PLB1: variants seen among roughly 807,000 people sequenced by gnomAD.
The protein encoded by PLB1 is phospholipase B1, also known as phospholipase B1, membrane-associated.
PLB1 carries 242 observed loss-of-function variants against 227.4 expected under a neutral mutation model. The observed-to-expected ratio is 1.06, with a 90% CI of 0.96 to 1.18. PLB1 has a LOEUF of 1.18. Ranked by LOEUF, PLB1 falls within the 50% of genes most tolerant of loss-of-function variation. The pLI is 0.00. For missense variants in PLB1, 1,858 were observed against 1,816.3 expected (o/e 1.02, Z -0.42); for synonymous variants, 757 against 682.2 (o/e 1.11, Z -1.71).
intron 8 of PLB1, among the ~76,000 whole-genome samples, chr2:28,531,059 A>G (rs1369914057): frequency 6.6e-6 from 1 of 152,332 alleles, no homozygotes; most frequent in Non-Finnish European, 1.5e-5. Flanking sequence ...CCTCAACTAC[A>G]TCGTGCTGCC....
chr2:28,503,714 G>A (rs907605050), intron 1 of PLB1, among the ~76,000 whole-genome samples: 1 of 152,190 alleles, frequency 6.6e-6, no homozygotes, highest in African/African-American at 2.4e-5. Flanking sequence ...GTTTCTGTAT[G>A]CGCAGTCTGG....
chr2:28,600,606 A>C (rs1278751269), intron 35 of PLB1, among the ~76,000 whole-genome samples: 1 of 152,232 alleles, frequency 6.6e-6, no homozygotes, highest in Non-Finnish European at 1.5e-5. Context: ...GCTGTAGGAC[A>C]AACACATCAT....
chr2:28,560,297 G>T (rs572044004), intron 17 of PLB1, among the ~76,000 whole-genome samples: 1 of 152,150 alleles, frequency 6.6e-6, no homozygotes, highest in Admixed American at 6.5e-5. Context: ...GACCTTGGGG[G>T]TGAGGTAATT....
chr2:28,619,125 C>T (rs554686376), intron 46 of PLB1, among the ~76,000 whole-genome samples: 4 of 152,158 alleles, frequency 2.6e-5, no homozygotes, highest in Non-Finnish European at 4.4e-5. Context: ...GTTTGTTGCA[C>T]AGATTATTTA....
chr2:28,632,525 C>T lies in PLB1; in HGVS notation c.4002+385C>T, dbSNP rs78458455. Among the ~76,000 whole-genome samples, 326 of 152,270 alleles carry T rather than the reference C, an allele frequency of 2.1e-3. 10 individuals are homozygous for T. In the East Asian group the frequency reaches 0.058, roughly 27 times the overall value. On this transcript the variant is annotated intron_variant, in intron 55 of 57. Coordinates refer to ENST00000327757, the MANE Select transcript of PLB1 (RefSeq NM_153021.5). ...AAAATTCCGGCCGGGTGCAGTGGCT[C>T]ATGCCTGTAATCTCAGCCTTTGGGA...
At chr2:28,508,020 A>G (rs1372581084) in intron 1 of PLB1, among the ~76,000 whole-genome samples, 1 of 152,220 alleles carries the variant, frequency 6.6e-6, no homozygotes, top group African/African-American at 2.4e-5. Context: ...GACTAATGGT[A>G]ATAAGGACAG....
At chr2:28,566,887 C>T (rs1677026289) in intron 20 of PLB1, 48 bp downstream of exon 20, 3 of 1,606,548 alleles carry the variant, frequency 1.9e-6, no homozygotes, top group Non-Finnish European at 2.6e-6. Context: ...GCGGCCCCTG[C>T]ACGCTTCCCG....
chr2:28,563,937 T>C (rs1051993884), intron 18 of PLB1, among the ~76,000 whole-genome samples: 1 of 152,312 alleles, frequency 6.6e-6, no homozygotes, highest in African/African-American at 2.4e-5. Context: ...GGCATGACTT[T>C]CTTTAGATTC....
intron 23 of PLB1, among the ~76,000 whole-genome samples, chr2:28,581,506 TA>T (rs1679990602): frequency 9.5e-6 from 1 of 105,586 alleles, no homozygotes; most frequent in Non-Finnish European, 2.0e-5. Flanking sequence ...AATAAATAAA[TA>T]AATAAATAAA....
intron 1 of PLB1, among the ~76,000 whole-genome samples, chr2:28,510,778 T>TTG (rs55672002): frequency 0.026 from 3,647 of 141,492 alleles, 134 homozygotes; most frequent in African/African-American, 0.084. Context: ...ACTCAGATAA[T>TTG]TGTGTGTGTG....
In PLB1 at chr2:28,529,514, G is replaced by A. The variant is rs931247656; in HGVS notation, c.416+107G>A. ...GCAAAGTCAAAGAGGCTTAAAAATA[G>A]AAGTATTTAAGTCAAAGCCCAAATG... On this transcript the variant is annotated intron_variant, in intron 7 of 57. Coordinates refer to ENST00000327757, the MANE Select transcript of PLB1 (RefSeq NM_153021.5). 14 of 1,074,144 alleles carry A rather than the reference G, an allele frequency of 1.3e-5. No homozygotes were observed. The African/African-American group carries it at 1.9e-4, about 15-fold the overall frequency. The allele number at this position is 1,074,144 out of a possible 1,614,324, so 66.5% of individuals were successfully genotyped here. A position where few individuals can be genotyped will look rare whatever the true frequency, so the allele number is the denominator to read the frequency against.
chr2:28,506,657 G>A (rs1287317158), intron 1 of PLB1, among the ~76,000 whole-genome samples: 1 of 152,196 alleles, frequency 6.6e-6, no homozygotes, highest in East Asian at 1.9e-4. Context: ...ATTTGCTGTA[G>A]TGGGAAATGG....
intron 13 of PLB1, among the ~76,000 whole-genome samples, chr2:28,542,737 C>T (rs1180833886): frequency 2.0e-5 from 3 of 152,222 alleles, no homozygotes; most frequent in African/African-American, 7.2e-5. Context: ...TCCACACTTG[C>T]TGACCGAGGT....
rs139396774 is a variant in PLB1 at position 28,604,048 on chromosome 2, G to C, written c.2856+1G>C. On this transcript the variant is annotated splice_donor_variant, in intron 40 of 57. Coordinates refer to ENST00000327757, the MANE Select transcript of PLB1 (RefSeq NM_153021.5). LOFTEE classifies it high-confidence loss of function. ...GGAGGCCTTCAGCCGAGCCTACCGG[G>C]TAAGACCAAGAAGGGCACCATGCTG... 1 of 1,612,258 alleles carries C rather than the reference G, an allele frequency of 6.2e-7. No homozygotes were observed. Among genetic ancestry groups the C allele is most frequent in the Non-Finnish European group, 8.5e-7 (1 of 1,178,220 alleles).
intron 4 of PLB1, among the ~76,000 whole-genome samples, chr2:28,520,959 G>T: frequency 6.6e-6 from 1 of 152,084 alleles, no homozygotes; most frequent in South Asian, 2.1e-4. Context: ...TGGGAAACAA[G>T]AGCAAAACTC....
rs148031591 is a variant in PLB1, at chr2:28,518,490, T to G, written c.142T>G (p.Cys48Gly). ...PETLKNSPFP[C>G]NPNKLGVNMP... Reference sequence around the variant, plus strand: ...GACCCTGAAGAATTCTCCATTCCCATGCAACCCAAATAAATTAGGAGTGAA... The same window carrying G: ...GACCCTGAAGAATTCTCCATTCCCAGGCAACCCAAATAAATTAGGAGTGAA... Residue 48 changes from cysteine (C) to glycine (G), a missense_variant, in exon 3 of 58, where the codon TGC becomes GGC. Cys to Gly is a radical substitution (Grantham distance 159). Transcript: ENST00000327757. The G allele has an allele frequency of 3.0e-5, 49 of 1,613,258 alleles. No homozygotes were observed. The African/African-American group carries it at 6.4e-4, about 21-fold the overall frequency.
In PLB1 at chr2:28,496,656, T is replaced by C. The variant is rs566455866; in HGVS notation, c.55+487T>C. On this transcript the variant is annotated intron_variant, in intron 1 of 57. Transcript: ENST00000327757. ...ATTCTAAAAGATTGCCTACATTCTT[T>C]AGTGCTGCTAAACAGAGTGCTGAGC... Among the ~76,000 whole-genome samples the C allele has an allele frequency of 7.9e-5, 12 of 152,336 alleles. 1 individual carries two copies. In the South Asian group the frequency reaches 2.3e-3, roughly 29 times the overall value.
chr2:28,634,124 C>T (rs1366502882), intron 56 of PLB1, among the ~76,000 whole-genome samples: 1 of 152,198 alleles, frequency 6.6e-6, no homozygotes, highest in African/African-American at 2.4e-5. Context: ...TAGTTAATGG[C>T]AGACTCAGCT....
At chr2:28,542,957 G>A (rs185884085) in intron 13 of PLB1, among the ~76,000 whole-genome samples, 12 of 152,234 alleles carry the variant, frequency 7.9e-5, no homozygotes, top group Non-Finnish European at 1.5e-4. Flanking sequence ...CCACTGTTTA[G>A]TTCAGTGACA....
Sources: allele counts gnomAD v4.1 joint callset (sites outside exome capture counted in the v4.1 genomes callset), GRCh38; gene constraint gnomAD v4.1.1; transcripts MANE v1.5; gene names NCBI Gene and HGNC (gene_info 2026-07-23, HGNC 2026-07-21).